Variants in SGMS1 observed in about 807,000 individuals in gnomAD.
The protein encoded by SGMS1 is sphingomyelin synthase 1.
SGMS1 carries 13 observed loss-of-function variants against 46.2 expected under a neutral mutation model. The observed-to-expected ratio is 0.28, with a 90% CI of 0.18 to 0.45. The LOEUF is 0.45. Ranked by LOEUF, SGMS1 falls within the 20% of genes least tolerant of loss-of-function variation. SGMS1 has a pLI of 1.00. For synonymous variants in SGMS1, 203 were observed against 187.8 expected (o/e 1.08, Z -0.66); for missense variants, 324 against 519.9 (o/e 0.62, Z 3.66).
At chr10:50,454,426 G>C (rs998077661) in intron 5 of SGMS1, among the ~76,000 whole-genome samples, 1 of 152,128 alleles carries the variant, frequency 6.6e-6, no homozygotes, top group Non-Finnish European at 1.5e-5. Context: ...AGTGGTGATA[G>C]AGTAGTGAAA....
chr10:50,563,539 C>G (rs1360097813), intron 2 of SGMS1, among the ~76,000 whole-genome samples: 1 of 151,376 alleles, frequency 6.6e-6, no homozygotes, highest in African/African-American at 2.4e-5. Flanking sequence ...GTCAGGAGAT[C>G]GAGACCATCC....
rs185546718 is a variant in SGMS1, at chr10:50,422,670, C to T, written c.-232+10806G>A. Among the ~76,000 whole-genome samples, 197 of 152,344 alleles carry T rather than the reference C, an allele frequency of 1.3e-3. 5 individuals carry two copies. Among genetic ancestry groups the T allele is most frequent in the Admixed American group, 0.011 (163 of 15,296 alleles). ...CCTTAAATGTAAACATCACTCTCAA[C>T]CACAAACATCTATTTACCAACAGGT... On this transcript the variant is annotated intron_variant, in intron 6 of 10. Coordinates refer to ENST00000361781, the MANE Select transcript of SGMS1 (RefSeq NM_147156.4).
intron 6 of SGMS1, among the ~76,000 whole-genome samples, chr10:50,364,726 G>A (rs1311647881): frequency 6.6e-6 from 1 of 152,038 alleles, no homozygotes; most frequent in East Asian, 1.9e-4. Flanking sequence ...CTTTTCTAAG[G>A]CAATTCAGAT....
chr10:50,516,672 C>T (rs1489850987), intron 3 of SGMS1, among the ~76,000 whole-genome samples: 4 of 152,010 alleles, frequency 2.6e-5, no homozygotes, highest in African/African-American at 9.7e-5. Context: ...TTTCTTTATC[C>T]TTAGGTGAAA....
intron 3 of SGMS1, among the ~76,000 whole-genome samples, chr10:50,516,727 A>G (rs990741269): frequency 1.3e-5 from 2 of 152,230 alleles, no homozygotes; most frequent in African/African-American, 4.8e-5. Context: ...GAGACAACTG[A>G]TTTTTAAAAA....
At chr10:50,435,332 A>G (rs2133623450) in intron 5 of SGMS1, among the ~76,000 whole-genome samples, 1 of 152,346 alleles carries the variant, frequency 6.6e-6, no homozygotes, top group Non-Finnish European at 1.5e-5. Flanking sequence ...TCAAAAGATT[A>G]CTGCAATTAC....
chr10:50,469,953 T>C (rs1009329401), intron 3 of SGMS1, among the ~76,000 whole-genome samples: 1 of 152,214 alleles, frequency 6.6e-6, no homozygotes, highest in Non-Finnish European at 1.5e-5. Flanking sequence ...TATTACTTCC[T>C]CTTAGATTGT....
At position 50,307,160 on chromosome 10, in the gene SGMS1, C is replaced by T. The variant is rs1473068856; in HGVS notation, c.1224G>A (p.Arg408=). Residue 408 remains arginine, a synonymous_variant, in exon 11 of 11, where the codon CGG becomes CGA. Transcript: ENST00000361781. This position sits in a 1 kb window ranked among gnomAD's most constrained non-coding sequence, Gnocchi z 4.2. ...ACAGCTGTTATGTGTCATTCACCAG[C>T]CGGCTGTATTTAACTTGCCTACTGA... ...VHLSRQVKYS[R]LVNDT 2 of 1,613,762 alleles carry T rather than the reference C, an allele frequency of 1.2e-6. No homozygotes were observed. Among genetic ancestry groups the T allele is most frequent in the African/African-American group, 1.3e-5 (1 of 74,884 alleles).
intron 6 of SGMS1, among the ~76,000 whole-genome samples, chr10:50,380,117 A>C (rs112016504): frequency 0.12 from 18,649 of 152,144 alleles, 1,255 homozygotes; most frequent in Middle Eastern, 0.22. Flanking sequence ...ACAGTGGCTC[A>C]TATCTGTAAT....
intron 3 of SGMS1, among the ~76,000 whole-genome samples, chr10:50,475,454 G>A (rs185766690): frequency 6.6e-6 from 1 of 152,222 alleles, no homozygotes; most frequent in Non-Finnish European, 1.5e-5. Flanking sequence ...AGCAGTAACA[G>A]TCCATTTTAA....
chr10:50,579,048 A>T (rs1838409732), intron 2 of SGMS1, among the ~76,000 whole-genome samples: 1 of 152,162 alleles, frequency 6.6e-6, no homozygotes. Flanking sequence ...CTATGCAAAA[A>T]AAGCTTAAAA....
Position 50,307,495 on chromosome 10 carries a change from C to T in SGMS1, c.1063-174G>A, listed in dbSNP as rs964789935. 4.6e-5 allele frequency among the ~76,000 whole-genome samples: 7 copies of T among 152,138 alleles called. No homozygotes were observed. Among genetic ancestry groups the T allele is most frequent in the Non-Finnish European group, 7.3e-5 (5 of 68,028 alleles). Reference sequence around the variant, plus strand: ...ACTCCACATTCATCTACAAACTGAGCCACATCCCAGTAGAAAAACAACGCC... The same window carrying T: ...ACTCCACATTCATCTACAAACTGAGTCACATCCCAGTAGAAAAACAACGCC... On this transcript the variant is annotated intron_variant, in intron 10 of 10. Transcript: ENST00000361781. This position sits in a 1 kb window ranked among gnomAD's most constrained non-coding sequence, Gnocchi z 4.2.
chr10:50,358,996 A>C (rs1473436263), intron 6 of SGMS1, among the ~76,000 whole-genome samples: 2 of 152,208 alleles, frequency 1.3e-5, no homozygotes, highest in African/African-American at 2.4e-5. Context: ...TTGATGCCTT[A>C]ACCTTTAAAT....
chr10:50,386,102 G>A (rs1055461405), intron 6 of SGMS1, among the ~76,000 whole-genome samples: 2 of 152,056 alleles, frequency 1.3e-5, no homozygotes, highest in African/African-American at 4.8e-5. Flanking sequence ...AAATAATCCC[G>A]CCTTTTAAAA....
chr10:50,583,225 C>CT (rs553323767), intron 2 of SGMS1, among the ~76,000 whole-genome samples: 19 of 152,166 alleles, frequency 1.2e-4, no homozygotes, highest in Non-Finnish European at 2.5e-4. Flanking sequence ...TTAATCACTT[C>CT]TTTATCCTGC....
chr10:50,337,339 C>T (rs994762221), intron 7 of SGMS1, among the ~76,000 whole-genome samples: 2 of 152,090 alleles, frequency 1.3e-5, no homozygotes, highest in East Asian at 1.9e-4. Flanking sequence ...TTAAAGACTA[C>T]AATTATGGTC....
chr10:50,535,837 G>C (rs1837996058), intron 2 of SGMS1, among the ~76,000 whole-genome samples: 1 of 152,106 alleles, frequency 6.6e-6, no homozygotes, highest in African/African-American at 2.4e-5. Flanking sequence ...GGCCTTTATG[G>C]CTGCTACCCA....
chr10:50,401,078 G>A (rs1848933564), intron 6 of SGMS1, among the ~76,000 whole-genome samples: 1 of 152,104 alleles, frequency 6.6e-6, no homozygotes, highest in Non-Finnish European at 1.5e-5. Flanking sequence ...GACATACGAC[G>A]TAAACCAGGG....
intron 6 of SGMS1, among the ~76,000 whole-genome samples, chr10:50,409,553 A>C (rs1849068792): frequency 6.6e-6 from 1 of 152,214 alleles, no homozygotes; most frequent in Non-Finnish European, 1.5e-5. Flanking sequence ...GTAGACTGTG[A>C]TGACTAGTTT....
Sources: gnomAD v4.1 joint callset for allele counts (sites outside exome capture counted in the v4.1 genomes callset) on GRCh38, gnomAD v4.1.1 for gene constraint, Gnocchi (gnomAD v3.1) non-coding constraint, MANE v1.5 for transcripts, NCBI Gene and HGNC (gene_info 2026-07-23, HGNC 2026-07-21) for gene names.